GNAI1: variants seen among roughly 807,000 people sequenced by gnomAD.
GNAI1 encodes the protein guanine nucleotide-binding protein G(i) subunit alpha-1.
GNAI1 carries 11 observed loss-of-function variants against 38.9 expected under a neutral mutation model. The observed-to-expected ratio is 0.28, with a 90% CI of 0.18 to 0.47. GNAI1 has a LOEUF of 0.47. GNAI1 is among the 20% of genes least tolerant of loss of function. GNAI1 has a pLI of 0.99. For missense variants in GNAI1, 317 were observed against 436.9 expected, an observed-to-expected ratio of 0.73 and a Z score of 2.45; for synonymous variants, 166 against 145.1, an observed-to-expected ratio of 1.14 and a Z score of -1.04.
At chr7:80,144,649 A>G (rs1395846532) in intron 1 of GNAI1, among the ~76,000 whole-genome samples, 4 of 152,124 alleles carry the variant, frequency 2.6e-5, no homozygotes, top group African/African-American at 9.7e-5. Context: ...GGGCACATAC[A>G]TCTTATTTGA....
rs543712143 is a variant in GNAI1 at position 80,211,920 on chromosome 7, A to C, written c.721-796A>C. Among the ~76,000 whole-genome samples, 263 of 152,282 alleles carry C rather than the reference A, an allele frequency of 1.7e-3. 1 individual carries two copies. Among genetic ancestry groups the C allele is most frequent in the African/African-American group, 6.1e-3 (255 of 41,558 alleles). On this transcript the variant is annotated intron_variant, in intron 6 of 7. Transcript: ENST00000649796. ...CCCTTGAACAACGGGTTTAAGCTGC[A>C]TGGGTCCACATATATGAAAATTTTT...
chr7:80,183,886 G>A (rs1303232929), intron 1 of GNAI1, among the ~76,000 whole-genome samples: 2 of 152,044 alleles, frequency 1.3e-5, no homozygotes, highest in East Asian at 1.9e-4. Context: ...TTGACTTGAT[G>A]CATTTCCCTT....
chr7:80,177,024 CTTTTTTTTT>C (rs569135086), intron 1 of GNAI1, among the ~76,000 whole-genome samples: 5 of 61,180 alleles, frequency 8.2e-5, no homozygotes. Context: ...GACAGCATAT[CTTTTTTTTT>C]TTTTTTTTTT....
At chr7:80,146,240 C>T (rs1787619785) in intron 1 of GNAI1, among the ~76,000 whole-genome samples, 1 of 152,122 alleles carries the variant, frequency 6.6e-6, no homozygotes, top group Non-Finnish European at 1.5e-5. Flanking sequence ...GTGACTGCTC[C>T]AGTTGCTCCT....
At chr7:80,172,533 G>A (rs188974305) in intron 1 of GNAI1, among the ~76,000 whole-genome samples, 2 of 152,224 alleles carry the variant, frequency 1.3e-5, no homozygotes, top group African/African-American at 2.4e-5. Context: ...ATCTTTTGAT[G>A]TAGAGTCATG....
intron 1 of GNAI1, chr7:80,135,786 G>C: frequency 3.0e-6 from 3 of 985,874 alleles, no homozygotes; most frequent in Non-Finnish European, 3.6e-6. Context: ...GGGCCTCTGA[G>C]ATGGGGCTGA....
At chr7:80,210,889 C>CT (rs1325344285) in intron 5 of GNAI1, 80 bp from the exon 6 acceptor site, 13 of 1,237,406 alleles carry the variant, frequency 1.1e-5, no homozygotes, top group African/African-American at 9.0e-5. Context: ...CTATTCAGAG[C>CT]TTTTTTTGTT....
chr7:80,174,121 T>C (rs1400480225), intron 1 of GNAI1, among the ~76,000 whole-genome samples: 6 of 152,248 alleles, frequency 3.9e-5, no homozygotes, highest in African/African-American at 1.4e-4. Context: ...GATGGGTAGA[T>C]GCAAAGGAAA....
chr7:80,145,032 C>T (rs1787594189), intron 1 of GNAI1, among the ~76,000 whole-genome samples: 1 of 152,190 alleles, frequency 6.6e-6, no homozygotes, highest in Non-Finnish European at 1.5e-5. Context: ...AATTCGTCCT[C>T]TCTTGCCTCC....
intron 7 of GNAI1, among the ~76,000 whole-genome samples, chr7:80,214,190 CAGTTCAA>C (rs1032873841): frequency 2.6e-5 from 4 of 152,178 alleles, no homozygotes; most frequent in African/African-American, 9.7e-5. Flanking sequence ...AATTACACTT[CAGTTCAA>C]ACTAATTTCA....
chr7:80,175,085 C>T lies in GNAI1; in HGVS notation c.119-13866C>T, dbSNP rs190519491. Among the ~76,000 whole-genome samples, 54 of 152,188 alleles carry T rather than the reference C, an allele frequency of 3.5e-4. 1 individual carries two copies. Among genetic ancestry groups the T allele is most frequent in the Admixed American group, 3.3e-3 (51 of 15,288 alleles). On this transcript the variant is annotated intron_variant, in intron 1 of 7. Coordinates refer to ENST00000649796, the MANE Select transcript of GNAI1 (RefSeq NM_002069.6). ...GTTTGAGTTGTGAACTGAACTAGTT[C>T]TTTTCTTGGAAAACCATTTTTAATT...
intron 5 of GNAI1, among the ~76,000 whole-genome samples, chr7:80,205,602 GATT>G (rs1788761086): frequency 1.3e-5 from 2 of 151,716 alleles, no homozygotes; most frequent in African/African-American, 4.8e-5. Flanking sequence ...TTTTTTTTAA[GATT>G]ATGTTTAGTG....
At chr7:80,189,351 AAGG>A in intron 3 of GNAI1, 120 bp downstream of exon 3, 1 of 811,302 alleles carries the variant, frequency 1.2e-6, no homozygotes, top group Non-Finnish European at 2.0e-6. Context: ...AAGGAACCAA[AAGG>A]ATAGAAGTGA....
At chr7:80,205,381 G>C (rs1788755949) in intron 5 of GNAI1, among the ~76,000 whole-genome samples, 2 of 152,060 alleles carry the variant, frequency 1.3e-5, no homozygotes, top group South Asian at 4.2e-4. Context: ...GCAGTCATGG[G>C]CATCAATTAG....
At position 80,199,352 on chromosome 7, in the gene GNAI1, G is replaced by A. The variant is rs758884255; in HGVS notation, c.431G>A (p.Arg144Gln). Residue 144 changes from arginine to glutamine, a missense_variant, in exon 4 of 8, where the codon CGA becomes CAA. Coordinates refer to ENST00000649796, the MANE Select transcript of GNAI1 (RefSeq NM_002069.6). ...SGVQACFNRSREYQLNDSAAY... is the reference protein window; with the variant it reads ...SGVQACFNRSQEYQLNDSAAY... The stretch of plus-strand genomic sequence containing the variant: ...GTACAAGCCTGTTTCAACAGATCCC[G>A]AGAGTACCAGCTTAATGATTCTGCA... The A allele has an allele frequency of 5.6e-6, 9 of 1,611,416 alleles. No homozygotes were observed. Among genetic ancestry groups the A allele is most frequent in the African/African-American group, 1.3e-5 (1 of 74,978 alleles).
Position 80,222,472 on chromosome 7 carries a change from C to T in GNAI1, c.*4979C>T, listed in dbSNP as rs1392594853. 6.6e-6 allele frequency among the ~76,000 whole-genome samples: 1 copy of T among 150,568 alleles called. No homozygotes were observed. The highest frequency in any genetic ancestry group is 1.5e-5 in the Non-Finnish European group (1 of 67,832). Reference sequence around the variant, plus strand: ...GTGCGATCTCGGCTCACCGCAACATCCGCCTCCCGGGTACAAGCAATTCTC... The same window carrying T: ...GTGCGATCTCGGCTCACCGCAACATTCGCCTCCCGGGTACAAGCAATTCTC... On this transcript the variant is annotated 3_prime_UTR_variant, in exon 8 of 8. Coordinates refer to ENST00000649796, the MANE Select transcript of GNAI1 (RefSeq NM_002069.6).
chr7:80,151,990 A>G (rs1232777302), intron 1 of GNAI1, among the ~76,000 whole-genome samples: 1 of 152,188 alleles, frequency 6.6e-6, no homozygotes. Flanking sequence ...TGAAGTTGAC[A>G]TGTTTATTTT....
chr7:80,157,732 G>A (rs1355354539), intron 1 of GNAI1, among the ~76,000 whole-genome samples: 4 of 152,006 alleles, frequency 2.6e-5, no homozygotes, highest in Non-Finnish European at 4.4e-5. Context: ...TTGAGACAGA[G>A]TCTCACTCTG....
intron 1 of GNAI1, among the ~76,000 whole-genome samples, chr7:80,160,739 A>C (rs1196822520): frequency 6.6e-6 from 1 of 152,178 alleles, no homozygotes; most frequent in Non-Finnish European, 1.5e-5. Context: ...GACCATTATA[A>C]AAATCTGTTT....
Sources: gnomAD v4.1 joint callset for allele counts (sites outside exome capture counted in the v4.1 genomes callset) on GRCh38, gnomAD v4.1.1 for gene constraint, MANE v1.5 for transcripts, NCBI Gene and HGNC (gene_info 2026-07-23, HGNC 2026-07-21) for gene names.